Variants in SH2D4A observed in about 807,000 individuals in gnomAD.
SH2D4A encodes the protein SH2 domain-containing protein 4A.
A neutral mutation model predicts 64.7 loss-of-function variants in SH2D4A; 70 were observed. The ratio of observed to expected loss-of-function variants is 1.08; its 90% CI spans 0.89 to 1.32. The LOEUF is 1.32. Among genes scored for constraint, SH2D4A ranks in the 40% most tolerant of loss-of-function variants. SH2D4A has a pLI of 0.00. For missense variants in SH2D4A, 706 were observed against 540.1 expected, an observed-to-expected ratio of 1.31 and a Z score of -3.04; for synonymous variants, 268 against 200.7, an observed-to-expected ratio of 1.34 and a Z score of -2.83.
chr8:19,358,720 C>T (rs886434069), intron 5 of SH2D4A, among the ~76,000 whole-genome samples: 1 of 152,190 alleles, frequency 6.6e-6, no homozygotes, highest in African/African-American at 2.4e-5. Flanking sequence ...TTTGGGGACA[C>T]TTGTGAGGCT....
intron 8 of SH2D4A, chr8:19,375,129 T>A (rs556910952): frequency 6.6e-6 from 1 of 152,322 alleles, no homozygotes; most frequent in South Asian, 2.1e-4. Flanking sequence ...ACTCTTGAGT[T>A]TTACGTAAAA....
intron 4 of SH2D4A, among the ~76,000 whole-genome samples, chr8:19,355,310 G>T (rs540938996): frequency 2.6e-5 from 4 of 152,156 alleles, no homozygotes; most frequent in African/African-American, 4.8e-5. Flanking sequence ...TGCACTCAGA[G>T]ATTTTAAAAG....
intron 4 of SH2D4A, among the ~76,000 whole-genome samples, chr8:19,349,749 T>C (rs944793372): frequency 3.9e-5 from 6 of 152,234 alleles, no homozygotes; most frequent in Admixed American, 2.6e-4. Context: ...TAGTTTTCTA[T>C]TGTTGTTATT....
chr8:19,383,343 T>C (rs891089263), intron 8 of SH2D4A, among the ~76,000 whole-genome samples: 1 of 152,068 alleles, frequency 6.6e-6, no homozygotes, highest in African/African-American at 2.4e-5. Flanking sequence ...TGAATTCCTC[T>C]AGTGAATTTT....
intron 8 of SH2D4A, among the ~76,000 whole-genome samples, chr8:19,378,442 G>T (rs752249238): frequency 3.9e-5 from 6 of 152,018 alleles, no homozygotes; most frequent in Non-Finnish European, 5.9e-5. Flanking sequence ...TGTTGTTTTG[G>T]TTGTTGTTTT....
chr8:19,344,930 G>A (rs573977081), intron 4 of SH2D4A, among the ~76,000 whole-genome samples: 13 of 152,300 alleles, frequency 8.5e-5, no homozygotes, highest in Admixed American at 8.5e-4. Flanking sequence ...CCTGATAGGA[G>A]TTACATATTT....
chr8:19,377,943 ATTTG>A (rs2053225171), intron 8 of SH2D4A, among the ~76,000 whole-genome samples: 1 of 152,154 alleles, frequency 6.6e-6, no homozygotes, highest in African/African-American at 2.4e-5. Context: ...GTACTTGAGA[ATTTG>A]TTTCCCTATG....
chr8:19,323,862 T>C (rs1381538050), intron 2 of SH2D4A, among the ~76,000 whole-genome samples: 3 of 152,196 alleles, frequency 2.0e-5, no homozygotes, highest in Non-Finnish European at 4.4e-5. Flanking sequence ...CTGAAGTGTG[T>C]GTTGCTATTC....
At chr8:19,317,565 A>T (rs560741164) in intron 1 of SH2D4A, among the ~76,000 whole-genome samples, 1 of 152,136 alleles carries the variant, frequency 6.6e-6, no homozygotes, top group Non-Finnish European at 1.5e-5. Context: ...CTGAGTATGC[A>T]CACCACTCTG....
intron 7 of SH2D4A, among the ~76,000 whole-genome samples, chr8:19,366,401 T>C (rs952342539): frequency 6.6e-6 from 1 of 152,150 alleles, no homozygotes; most frequent in Non-Finnish European, 1.5e-5. Flanking sequence ...GCAGAACTTA[T>C]TTCTGCTGTC....
chr8:19,335,290 C>T (rs1469541193), intron 4 of SH2D4A, among the ~76,000 whole-genome samples: 1 of 151,094 alleles, frequency 6.6e-6, no homozygotes, highest in African/African-American at 2.4e-5. Context: ...AGCGAGACTC[C>T]ATCTCAAAAA....
intron 4 of SH2D4A, among the ~76,000 whole-genome samples, chr8:19,352,226 G>T (rs1468906345): frequency 6.6e-6 from 1 of 152,232 alleles, no homozygotes; most frequent in Non-Finnish European, 1.5e-5. Context: ...ATGTAATACT[G>T]ATGTTGTCAG....
intron 4 of SH2D4A, among the ~76,000 whole-genome samples, chr8:19,351,297 T>C (rs2052700285): frequency 1.3e-5 from 2 of 152,188 alleles, no homozygotes; most frequent in South Asian, 4.1e-4. Flanking sequence ...TCATTCTATC[T>C]TGATTAATAG....
chr8:19,358,443 A>G (rs560695609), intron 5 of SH2D4A, among the ~76,000 whole-genome samples: 1 of 152,130 alleles, frequency 6.6e-6, no homozygotes, highest in Non-Finnish European at 1.5e-5. Flanking sequence ...TCCTGGGAGG[A>G]TGGAATTGGG....
chr8:19,326,411 G>A (rs1478351858), intron 2 of SH2D4A, among the ~76,000 whole-genome samples: 3 of 152,138 alleles, frequency 2.0e-5, no homozygotes, highest in African/African-American at 4.8e-5. Flanking sequence ...GTGGTTTCTG[G>A]GAGTCTGCCA....
At chr8:19,329,311 G>A (rs1381116418) in intron 2 of SH2D4A, among the ~76,000 whole-genome samples, 1 of 152,108 alleles carries the variant, frequency 6.6e-6, no homozygotes, top group Non-Finnish European at 1.5e-5. Context: ...AATGTATGCT[G>A]CCCTGGCCCT....
In SH2D4A at chr8:19,395,582, G is replaced by C. The variant is rs140629015; in HGVS notation, c.*940G>C. 2.6e-5 allele frequency: 4 copies of C among 152,326 alleles called. No individual in the cohort carries two copies. Among genetic ancestry groups the C allele is most frequent in the Admixed American group, 6.5e-5 (1 of 15,290 alleles). The allele number at this position is 152,326 out of a possible 1,614,324, so 9.4% of individuals were successfully genotyped here. On this transcript the variant is annotated 3_prime_UTR_variant, in exon 10 of 10. Transcript: ENST00000265807. ...TGACTGGCATCCTTAGGAGAAGAGAGAGTTTTGGTAATAGACACAAATGCA... is the reference window on the plus strand; with the variant it reads ...TGACTGGCATCCTTAGGAGAAGAGACAGTTTTGGTAATAGACACAAATGCA...
chr8:19,364,383 A>G, intron 7 of SH2D4A, 101 bp downstream of exon 7: 3 of 1,320,998 alleles, frequency 2.3e-6, no homozygotes, highest in Non-Finnish European at 3.1e-6. Context: ...TGGGGTGTGG[A>G]GGGCCAACTG....
At chr8:19,385,689 C>T (rs1393009834) in intron 8 of SH2D4A, among the ~76,000 whole-genome samples, 2 of 152,128 alleles carry the variant, frequency 1.3e-5, no homozygotes, top group East Asian at 3.9e-4. Context: ...ATACACAGCT[C>T]CTTCAAAACG....
Sources: gnomAD v4.1 joint callset for allele counts (sites outside exome capture counted in the v4.1 genomes callset) on GRCh38, gnomAD v4.1.1 for gene constraint, MANE v1.5 for transcripts, NCBI Gene and HGNC (gene_info 2026-07-23, HGNC 2026-07-21) for gene names.